PDGFRL: variants seen among roughly 807,000 people sequenced by gnomAD.
The protein encoded by PDGFRL is platelet-derived growth factor receptor-like protein.
Under a neutral mutation model 37.2 loss-of-function variants are expected in PDGFRL, and 46 were observed. The observed-to-expected ratio is 1.24, with a 90% CI of 0.98 to 1.58. The LOEUF (loss-of-function observed/expected upper bound fraction) is 1.58. Among genes scored for constraint, PDGFRL ranks in the 40% most tolerant of loss-of-function variants. The pLI is 0.00. For synonymous variants in PDGFRL, 251 were observed against 184.3 expected (o/e 1.36, Z -2.93); for missense variants, 692 against 467.6 (o/e 1.48, Z -4.43).
Position 17,642,935 on chromosome 8 carries a change from C to A in PDGFRL, c.*134C>A. ...CCCCAACCCCAGCGTCTCGTGAGTC[C>A]GACCCAGACATCCAAACTAAAAGGA... On this transcript the variant is annotated 3_prime_UTR_variant, in exon 6 of 6. Coordinates refer to ENST00000251630, the MANE Select transcript of PDGFRL (RefSeq NM_001372073.1). The A allele has an allele frequency of 3.3e-6, 2 of 606,042 alleles. No homozygotes were observed. The highest frequency in any genetic ancestry group is 5.6e-5 in the East Asian group (2 of 35,428). 37.5% of individuals were successfully genotyped at this position (606,042 alleles called of 1,614,324 possible).
At chr8:17,619,836 A>T (rs1394548217) in intron 2 of PDGFRL, among the ~76,000 whole-genome samples, 2 of 152,220 alleles carry the variant, frequency 1.3e-5, no homozygotes, top group Non-Finnish European at 2.9e-5. Context: ...CAATGGTTTT[A>T]CTTAAGGAAA....
chr8:17,630,537 C>G (rs1020912176), intron 4 of PDGFRL, among the ~76,000 whole-genome samples: 4 of 152,176 alleles, frequency 2.6e-5, no homozygotes, highest in Non-Finnish European at 5.9e-5. Context: ...TCAGTCCCAA[C>G]AATTCATCCA....
At chr8:17,626,544 C>CTG (rs1284948149) in intron 3 of PDGFRL, among the ~76,000 whole-genome samples, 3 of 152,174 alleles carry the variant, frequency 2.0e-5, no homozygotes, top group Non-Finnish European at 2.9e-5. Flanking sequence ...CACCATCTAA[C>CTG]TGTGACACAA....
At chr8:17,596,804 A>T (rs77670928) in intron 2 of PDGFRL, among the ~76,000 whole-genome samples, 5,461 of 152,310 alleles carry the variant, frequency 0.036, 123 homozygotes, top group East Asian at 0.089. Context: ...TCAACCACAG[A>T]TGTGCTATTT....
intron 2 of PDGFRL, among the ~76,000 whole-genome samples, chr8:17,594,541 C>T (rs1804010995): frequency 1.3e-5 from 2 of 148,236 alleles, no homozygotes; most frequent in African/African-American, 5.0e-5. Flanking sequence ...CATGCCTGGC[C>T]TATACTACAT....
At chr8:17,612,379 T>C (rs960558249) in intron 2 of PDGFRL, among the ~76,000 whole-genome samples, 2 of 152,130 alleles carry the variant, frequency 1.3e-5, no homozygotes, top group African/African-American at 4.8e-5. Context: ...TCTCCTCTCT[T>C]TTCTTTTTTT....
intron 2 of PDGFRL, among the ~76,000 whole-genome samples, chr8:17,603,197 T>A (rs552823368): frequency 6.6e-6 from 1 of 152,284 alleles, no homozygotes; most frequent in Admixed American, 6.5e-5. Context: ...TTGGCCAGGC[T>A]TGTGTTGAAC....
At chr8:17,603,743 T>C (rs922118879) in intron 2 of PDGFRL, among the ~76,000 whole-genome samples, 3 of 152,196 alleles carry the variant, frequency 2.0e-5, no homozygotes, top group African/African-American at 7.2e-5. Flanking sequence ...CTTTTAATCT[T>C]AGGGAAGACA....
Position 17,621,151 on chromosome 8 carries a change from A to C in PDGFRL, c.454A>C (p.Ile152Leu). 3 of 1,611,642 alleles carry C rather than the reference A, an allele frequency of 1.9e-6. No homozygotes were observed. Among genetic ancestry groups the C allele is most frequent in the Non-Finnish European group, 2.5e-6 (3 of 1,178,170 alleles). The change falls in exon 3 of 6, where the codon ATC (isoleucine) becomes CTC (leucine). Residue 152 changes from isoleucine (I) to leucine (L), a missense_variant. By Grantham distance (5) the Ile-to-Leu change is conservative. Transcript: ENST00000251630. ...CTGGGTGCAGCTCTGCAGCGGCTAC[A>C]TCTGCAGGAAGGACGAGGCCAAAAC... is the stretch of plus-strand genomic sequence containing the variant. The part of the protein sequence containing the change: ...SCWVQLCSGY[I>L]CRKDEAKTGS...
intron 4 of PDGFRL, among the ~76,000 whole-genome samples, chr8:17,632,148 G>A (rs1401783348): frequency 6.6e-6 from 1 of 152,168 alleles, no homozygotes; most frequent in East Asian, 1.9e-4. Flanking sequence ...TGGAAGCCAA[G>A]CTAACCTCCC....
chr8:17,635,452 C>G lies in PDGFRL; in HGVS notation c.939+1239C>G, dbSNP rs572078952. On this transcript the variant is annotated intron_variant, in intron 5 of 5. Transcript: ENST00000251630. ...GTCTCCATCCAGGTTGCTGCAAATG[C>G]CATTATTTAATTCCTTTTTATGGCT... Among the ~76,000 whole-genome samples, 11 of 152,262 alleles carry G rather than the reference C, an allele frequency of 7.2e-5. 2 individuals carry two copies. The South Asian group carries it at 2.3e-3, about 32-fold the overall frequency.
intron 2 of PDGFRL, among the ~76,000 whole-genome samples, chr8:17,599,231 G>A (rs976793812): frequency 1.3e-5 from 2 of 152,040 alleles, no homozygotes; most frequent in African/African-American, 4.8e-5. Context: ...TGGTGCACCC[G>A]TCGTCACCCA....
rs188655117 is a variant in PDGFRL at position 17,629,962 on chromosome 8, C to A, written c.799+1182C>A. On this transcript the variant is annotated intron_variant, in intron 4 of 5. Coordinates refer to ENST00000251630, the MANE Select transcript of PDGFRL (RefSeq NM_001372073.1). ...CCACCACATCAGTACTCACTACCCA[C>A]ACCCGGCACGCCCTCCTCTCTGTAC... Among the ~76,000 whole-genome samples, 13 of 152,324 alleles carry A rather than the reference C, an allele frequency of 8.5e-5. No homozygotes were observed. The East Asian group carries it at 2.5e-3, about 29-fold the overall frequency.
intron 2 of PDGFRL, among the ~76,000 whole-genome samples, chr8:17,603,045 C>A (rs1210392219): frequency 6.6e-6 from 1 of 152,158 alleles, no homozygotes; most frequent in African/African-American, 2.4e-5. Context: ...TGCAGTGGCA[C>A]GATCTCAGCT....
chr8:17,596,110 C>T (rs1804047055), intron 2 of PDGFRL, among the ~76,000 whole-genome samples: 1 of 152,050 alleles, frequency 6.6e-6, no homozygotes, highest in Non-Finnish European at 1.5e-5. Flanking sequence ...CCCAGAGTTA[C>T]CCTTGCTGGG....
At chr8:17,636,781 A>G (rs993931839) in intron 5 of PDGFRL, among the ~76,000 whole-genome samples, 1 of 152,142 alleles carries the variant, frequency 6.6e-6, no homozygotes, top group South Asian at 2.1e-4. Context: ...TGTGTCATCT[A>G]TGATTTCTTT....
intron 2 of PDGFRL, among the ~76,000 whole-genome samples, chr8:17,595,204 G>A (rs534191591): frequency 3.3e-5 from 5 of 152,190 alleles, no homozygotes; most frequent in Admixed American, 2.6e-4. Context: ...CAGGGACTCC[G>A]CCCTCCACTC....
chr8:17,621,364 T>C (rs1248230349), intron 3 of PDGFRL, among the ~76,000 whole-genome samples, 162 bp downstream of exon 3: 2 of 151,906 alleles, frequency 1.3e-5, no homozygotes, highest in Non-Finnish European at 2.9e-5. Context: ...TTCATGTAAG[T>C]CTTACCGTAA....
At chr8:17,597,582 A>T (rs1046327909) in intron 2 of PDGFRL, among the ~76,000 whole-genome samples, 72 of 152,146 alleles carry the variant, frequency 4.7e-4, no homozygotes, top group African/African-American at 1.3e-3. Flanking sequence ...GGAATGTCAC[A>T]GTTGCTTACT....
Sources: gnomAD v4.1 joint callset for allele counts (sites outside exome capture counted in the v4.1 genomes callset) on GRCh38, gnomAD v4.1.1 for gene constraint, MANE v1.5 for transcripts, NCBI Gene and HGNC (gene_info 2026-07-23, HGNC 2026-07-21) for gene names.